Variants in EVI5 observed in about 807,000 individuals in gnomAD.
The protein encoded by EVI5 is ecotropic viral integration site 5 protein homolog.
EVI5 carries 73 observed loss-of-function variants against 112.0 expected under a neutral mutation model. The ratio of observed to expected loss-of-function variants is 0.65; its 90% CI spans 0.54 to 0.79. The LOEUF (loss-of-function observed/expected upper bound fraction) is 0.79. Ranked by LOEUF, EVI5 falls within the 30% of genes least tolerant of loss-of-function variation. EVI5 has a pLI of 0.00. For synonymous variants in EVI5, 305 were observed against 319.9 expected, an observed-to-expected ratio of 0.95 and a Z score of 0.50; for missense variants, 900 against 968.8, an observed-to-expected ratio of 0.93 and a Z score of 0.94.
At chr1:92,725,814 A>G (rs988402484) in intron 2 of EVI5, among the ~76,000 whole-genome samples, 1 of 152,132 alleles carries the variant, frequency 6.6e-6, no homozygotes, top group Non-Finnish European at 1.5e-5. Flanking sequence ...GCAAACCAGC[A>G]TTAACTCAAA....
At chr1:92,587,839 T>C (rs953442235) in intron 18 of EVI5, among the ~76,000 whole-genome samples, 1 of 152,216 alleles carries the variant, frequency 6.6e-6, no homozygotes, top group Non-Finnish European at 1.5e-5. Context: ...GTTAATTTTA[T>C]AGATGTGCTT....
chr1:92,747,213 T>C (rs1032909761), intron 1 of EVI5, among the ~76,000 whole-genome samples: 1 of 152,090 alleles, frequency 6.6e-6, no homozygotes, highest in African/African-American at 2.4e-5. Flanking sequence ...TCATAAGTAA[T>C]CTAGAAATGA....
intron 1 of EVI5, among the ~76,000 whole-genome samples, chr1:92,742,904 A>G (rs908855281): frequency 3.0e-4 from 46 of 152,354 alleles, no homozygotes; most frequent in African/African-American, 1.0e-3. Context: ...TATTTATCCA[A>G]AGAACTGAAA....
chr1:92,759,861 C>T (rs991242514), intron 1 of EVI5, among the ~76,000 whole-genome samples: 8 of 141,440 alleles, frequency 5.7e-5, no homozygotes, highest in Non-Finnish European at 7.7e-5. Context: ...AAATACCCTC[C>T]CCCCCACATA....
intron 10 of EVI5, among the ~76,000 whole-genome samples, chr1:92,668,500 A>G (rs1386498596): frequency 6.6e-6 from 1 of 152,232 alleles, no homozygotes. Flanking sequence ...TTCCCACCAG[A>G]CAACTGAGTG....
At position 92,681,279 on chromosome 1, in the gene EVI5, T is replaced by C. The variant is rs549595204; in HGVS notation, c.1098-4061A>G. ...AAGTATTTACAGATAAAGGGCACAA[T>C]ATCTCAATTTACTCTCAAATGGACC... On this transcript the variant is annotated intron_variant, in intron 9 of 19. Coordinates refer to ENST00000684568, the MANE Select transcript of EVI5 (RefSeq NM_001350197.2). Among the ~76,000 whole-genome samples the C allele has an allele frequency of 5.9e-5, 9 of 152,288 alleles. No individual in the cohort carries two copies. The South Asian group carries it at 1.9e-3, about 32-fold the overall frequency.
chr1:92,773,128 C>A (rs1379377695), intron 1 of EVI5, among the ~76,000 whole-genome samples: 3 of 151,468 alleles, frequency 2.0e-5, no homozygotes, highest in African/African-American at 7.3e-5. Flanking sequence ...ATCTCTTGAA[C>A]CCAGGAGGCA....
chr1:92,630,420 G>A (rs1188832235), intron 14 of EVI5, among the ~76,000 whole-genome samples: 2 of 152,208 alleles, frequency 1.3e-5, no homozygotes, highest in Non-Finnish European at 2.9e-5. Flanking sequence ...GATGGCCAGT[G>A]ATGATGAGCA....
At chr1:92,634,152 A>G (rs1437830063) in intron 14 of EVI5, among the ~76,000 whole-genome samples, 10 of 152,104 alleles carry the variant, frequency 6.6e-5, no homozygotes, top group Non-Finnish European at 5.9e-5. Context: ...TCTGACAATT[A>G]TGTGTCTTGG....
At chr1:92,621,773 T>C (rs545993293) in intron 16 of EVI5, among the ~76,000 whole-genome samples, 1 of 152,176 alleles carries the variant, frequency 6.6e-6, no homozygotes, top group Non-Finnish European at 1.5e-5. Context: ...ATCAGAGATA[T>C]AAACACATAA....
chr1:92,710,906 G>A (rs889688476), intron 2 of EVI5, among the ~76,000 whole-genome samples: 1 of 152,184 alleles, frequency 6.6e-6, no homozygotes, highest in African/African-American at 2.4e-5. Context: ...TTGAGAACAA[G>A]AAAATATTCC....
At chr1:92,710,238 G>A (rs1427219483) in intron 2 of EVI5, among the ~76,000 whole-genome samples, 4 of 152,004 alleles carry the variant, frequency 2.6e-5, no homozygotes, top group African/African-American at 7.2e-5. Flanking sequence ...CAGCTACTGG[G>A]GGGCTTTGGT....
chr1:92,633,737 A>AT (rs1241298578), intron 14 of EVI5, among the ~76,000 whole-genome samples: 1 of 151,570 alleles, frequency 6.6e-6, no homozygotes, highest in Non-Finnish European at 1.5e-5. Flanking sequence ...GATAACGAGC[A>AT]TATTTTGCTC....
intron 1 of EVI5, among the ~76,000 whole-genome samples, chr1:92,778,994 T>C (rs529018882): frequency 1.3e-5 from 2 of 152,212 alleles, no homozygotes; most frequent in African/African-American, 2.4e-5. Flanking sequence ...TAATTCTCCA[T>C]GTGATTATAA....
intron 5 of EVI5, 96 bp from the exon 6 acceptor site, chr1:92,698,081 A>G (rs1302071021): frequency 9.1e-7 from 1 of 1,098,158 alleles, no homozygotes; most frequent in Non-Finnish European, 1.3e-6. Context: ...AACCACAAAC[A>G]TTGTTTGAGT....
At chr1:92,783,384 A>AAT (rs397863438) in intron 1 of EVI5, among the ~76,000 whole-genome samples, 2 of 149,072 alleles carry the variant, frequency 1.3e-5, no homozygotes, top group Non-Finnish European at 3.0e-5. Flanking sequence ...AAAAAAAAAA[A>AAT]TTAGCCGGGC....
chr1:92,722,033 C>T (rs1212459388), intron 2 of EVI5, among the ~76,000 whole-genome samples: 1 of 80,210 alleles, frequency 1.2e-5, no homozygotes, highest in Non-Finnish European at 2.4e-5. Flanking sequence ...GCCCCAACTT[C>T]ATGTCCCACT....
chr1:92,615,281 G>A (rs1298588655), intron 16 of EVI5, among the ~76,000 whole-genome samples: 1 of 152,138 alleles, frequency 6.6e-6, no homozygotes, highest in Non-Finnish European at 1.5e-5. Flanking sequence ...ACAAATTGAT[G>A]AAAGAAAATG....
intron 2 of EVI5, among the ~76,000 whole-genome samples, chr1:92,728,584 C>T (rs1388266957): frequency 2.0e-5 from 3 of 152,110 alleles, no homozygotes; most frequent in Non-Finnish European, 2.9e-5. Context: ...GACAGGGTTT[C>T]GCCATGTTGG....
Sources: gnomAD v4.1 joint callset for allele counts (sites outside exome capture counted in the v4.1 genomes callset) on GRCh38, gnomAD v4.1.1 for gene constraint, MANE v1.5 for transcripts, NCBI Gene and HGNC (gene_info 2026-07-23, HGNC 2026-07-21) for gene names.